The following NAA35 variants were observed in gnomAD, a reference collection of about 807,000 sequenced individuals.
NAA35 encodes MAK10 homolog, amino-acid N-acetyltransferase subunit.
Under a neutral mutation model 101.7 loss-of-function variants are expected in NAA35, and 18 were observed. The observed-to-expected ratio is 0.18, with a 90% CI of 0.12 to 0.26. The LOEUF is 0.26. Among genes scored for constraint, NAA35 ranks in the 10% least tolerant of loss-of-function variants. The pLI, the probability that NAA35 is intolerant of heterozygous loss-of-function variation, is 1.00. For synonymous variants in NAA35, 267 were observed against 273.1 expected (o/e 0.98, Z 0.22); for missense variants, 601 against 886.8 (o/e 0.68, Z 4.09).
At chr9:86,021,188 TCTC>T (rs1368310761) in intron 22 of NAA35, among the ~76,000 whole-genome samples, 1 of 152,204 alleles carries the variant, frequency 6.6e-6, no homozygotes, top group Non-Finnish European at 1.5e-5. Context: ...ACGTTTTCCA[TCTC>T]CTTGCTGTGT....
chr9:85,951,143 A>C (rs1454937103), intron 2 of NAA35, among the ~76,000 whole-genome samples: 1 of 152,190 alleles, frequency 6.6e-6, no homozygotes, highest in African/African-American at 2.4e-5. Flanking sequence ...ATCTCAAAAA[A>C]AAAAAAAAAT....
chr9:85,987,988 A>G (rs1433824230), intron 11 of NAA35, among the ~76,000 whole-genome samples: 2 of 152,242 alleles, frequency 1.3e-5, no homozygotes, highest in African/African-American at 4.8e-5. Flanking sequence ...GCCAGAAAAC[A>G]TGCACATGTA....
intron 11 of NAA35, among the ~76,000 whole-genome samples, chr9:85,993,261 C>T (rs1375004062): frequency 6.6e-6 from 1 of 152,192 alleles, no homozygotes; most frequent in African/African-American, 2.4e-5. Context: ...CAACCTTTGC[C>T]TGCCAGGTTC....
chr9:85,969,403 T>G (rs1338804919), intron 6 of NAA35, among the ~76,000 whole-genome samples: 4 of 152,154 alleles, frequency 2.6e-5, no homozygotes, highest in African/African-American at 7.2e-5. Context: ...GTTATATAGA[T>G]GGACCTTCTG....
chr9:86,013,277 A>G (rs1832039653), intron 16 of NAA35, 133 bp downstream of exon 16: 1 of 494,102 alleles, frequency 2.0e-6, no homozygotes, highest in African/African-American at 1.9e-5. Context: ...AAAATATAAC[A>G]GTTTCTTACA....
Position 85,959,785 on chromosome 9 carries a change from C to A in NAA35, c.274-8C>A. The A allele has an allele frequency of 6.2e-7, 1 of 1,600,170 alleles. No homozygotes were observed. The highest frequency in any genetic ancestry group is 1.1e-5 in the South Asian group (1 of 88,750). On this transcript the variant is annotated splice_region_variant and splice_polypyrimidine_tract_variant and intron_variant, in intron 4 of 22. Transcript: ENST00000361671. ...CTGCTTATATGTCACATTCTTCCTC[C>A]TTTTTAGGATGGCACTATTAAAATT...
intron 5 of NAA35, 53 bp downstream of exon 5, chr9:85,959,920 A>G (rs1055332837): frequency 4.5e-5 from 60 of 1,342,780 alleles, no homozygotes; most frequent in Non-Finnish European, 5.8e-5. Context: ...ACTTACCTGA[A>G]TCTTGTGATT....
At chr9:85,969,403 TGG>T (rs1458523253) in intron 6 of NAA35, among the ~76,000 whole-genome samples, 1 of 152,154 alleles carries the variant, frequency 6.6e-6, no homozygotes, top group Non-Finnish European at 1.5e-5. Flanking sequence ...GTTATATAGA[TGG>T]ACCTTCTGTA....
chr9:85,952,332 CTG>C lies in NAA35; in HGVS notation c.125-4027_125-4026del, dbSNP rs1370014498. 2.1e-5 allele frequency among the ~76,000 whole-genome samples: 3 copies of C among 145,820 alleles called. No homozygotes were observed. In the East Asian group the frequency reaches 6.3e-4, roughly 31 times the overall value. On this transcript the variant is annotated intron_variant, in intron 2 of 22. Transcript: ENST00000361671. The stretch of plus-strand genomic sequence containing the variant: ...CGGTGTTTCGCTCTTTTTGCCCAGA[CTG>C]GAGTGCAGTGGCGCCATCTCGGCTC...
chr9:85,949,404 C>T (rs1453705791), intron 2 of NAA35, among the ~76,000 whole-genome samples: 1 of 151,790 alleles, frequency 6.6e-6, no homozygotes, highest in African/African-American at 2.4e-5. Context: ...AAGCGATTCT[C>T]CTGCCTTGGC....
At chr9:86,018,475 T>C in intron 20 of NAA35, 80 bp downstream of exon 20, 1 of 1,465,766 alleles carries the variant, frequency 6.8e-7, no homozygotes, top group Non-Finnish European at 9.2e-7. Context: ...CCTAGCCATC[T>C]TGTTACATTA....
At chr9:85,945,455 G>A (rs898408252) in intron 2 of NAA35, among the ~76,000 whole-genome samples, 8 of 151,350 alleles carry the variant, frequency 5.3e-5, no homozygotes, top group Admixed American at 4.6e-4. Context: ...AAACAGATAT[G>A]ATTACACTCT....
At position 86,013,152 on chromosome 9, in the gene NAA35, C is replaced by T. The variant is rs1832030562; in HGVS notation, c.1389+8C>T. On this transcript the variant is annotated splice_region_variant and intron_variant, in intron 16 of 22. Coordinates refer to ENST00000361671, the MANE Select transcript of NAA35 (RefSeq NM_024635.4). ...GCCACCTTGCAGGATGAGGTAAGAG[C>T]CAGGTTCCCCTCTCTTCTAAAATTA... 9.7e-6 allele frequency: 15 copies of T among 1,549,192 alleles called. No homozygotes were observed. The East Asian group carries it at 3.4e-4, about 35-fold the overall frequency.
At chr9:85,981,555 A>G (rs1587613052) in intron 11 of NAA35, among the ~76,000 whole-genome samples, 1 of 152,302 alleles carries the variant, frequency 6.6e-6, no homozygotes, top group East Asian at 1.9e-4. Flanking sequence ...CCAGTGTTAA[A>G]AATAGCTTGT....
At chr9:86,010,268 TAATA>T (rs1433642178) in intron 15 of NAA35, among the ~76,000 whole-genome samples, 3 of 152,050 alleles carry the variant, frequency 2.0e-5, no homozygotes, top group East Asian at 1.9e-4. Flanking sequence ...ATAATAATAA[TAATA>T]AATTGCTGGA....
chr9:85,974,021 A>G (rs892365127), intron 6 of NAA35, among the ~76,000 whole-genome samples: 1 of 151,798 alleles, frequency 6.6e-6, no homozygotes, highest in Non-Finnish European at 1.5e-5. Flanking sequence ...CAGTGGCTCG[A>G]TCTCTGCTCA....
At chr9:85,956,482 G>A in intron 3 of NAA35, 89 bp downstream of exon 3, 1 of 655,792 alleles carries the variant, frequency 1.5e-6, no homozygotes, top group Non-Finnish European at 2.4e-6. Context: ...TGAAGTTTGA[G>A]TAAATTTACG....
At chr9:85,992,739 A>G (rs577572631) in intron 11 of NAA35, among the ~76,000 whole-genome samples, 13 of 152,344 alleles carry the variant, frequency 8.5e-5, no homozygotes, top group African/African-American at 3.1e-4. Flanking sequence ...AGGCAGTGAA[A>G]TTAAATGCAG....
chr9:85,966,775 A>C, intron 6 of NAA35: 1 of 408,988 alleles, frequency 2.4e-6, no homozygotes, highest in Non-Finnish European at 4.2e-6. Flanking sequence ...TACTGATATC[A>C]TTTAAACTAG....
Sources: gnomAD v4.1 joint callset for allele counts (sites outside exome capture counted in the v4.1 genomes callset) on GRCh38, gnomAD v4.1.1 for gene constraint, MANE v1.5 for transcripts, NCBI Gene and HGNC (gene_info 2026-07-23, HGNC 2026-07-21) for gene names.